Variants in WDR70 observed in about 807,000 individuals in gnomAD.
The protein encoded by WDR70 is WD repeat-containing protein 70.
In WDR70, 53 loss-of-function variants were observed where a neutral mutation model predicts 88.6. That is an observed-to-expected ratio of 0.60 (90% CI 0.48 to 0.75). The LOEUF (loss-of-function observed/expected upper bound fraction) is 0.75, where lower values mean the gene tolerates loss of function less well. WDR70 is among the 30% of genes least tolerant of loss of function. The probability of loss-of-function intolerance (pLI) is 0.00; values close to 1 mark genes in which losing one functional copy is unlikely to be tolerated. For synonymous variants in WDR70, 280 were observed against 270.0 expected (o/e 1.04, Z -0.36); for missense variants, 610 against 823.2 (o/e 0.74, Z 3.17).
chr5:37,534,862 A>C, intron 9 of WDR70, among the ~76,000 whole-genome samples: 1 of 151,834 alleles, frequency 6.6e-6, no homozygotes. Context: ...TATTCTTTAC[A>C]ACCTTTTAGA....
At chr5:37,483,366 C>A (rs1283364910) in intron 8 of WDR70, among the ~76,000 whole-genome samples, 2 of 152,026 alleles carry the variant, frequency 1.3e-5, no homozygotes, top group Non-Finnish European at 2.9e-5. Flanking sequence ...CGCCCTTAAT[C>A]CATTTAACCC....
chr5:37,440,959 T>C (rs1394095285), intron 6 of WDR70, among the ~76,000 whole-genome samples: 1 of 152,238 alleles, frequency 6.6e-6, no homozygotes, highest in East Asian at 1.9e-4. Context: ...AGTTTGTATT[T>C]TGTGCCATGT....
At chr5:37,636,136 A>G (rs1300849170) in intron 10 of WDR70, among the ~76,000 whole-genome samples, 2 of 152,198 alleles carry the variant, frequency 1.3e-5, no homozygotes, top group Non-Finnish European at 2.9e-5. Context: ...ATATTAGTCA[A>G]GTTGGGATAA....
intron 12 of WDR70, 64 bp downstream of exon 12, chr5:37,701,206 A>C: frequency 2.9e-6 from 3 of 1,050,466 alleles, no homozygotes; most frequent in Non-Finnish European, 4.3e-6. Context: ...CTTTTACTTT[A>C]ATGTTAATTT....
At chr5:37,461,017 G>A (rs1389031453) in intron 7 of WDR70, among the ~76,000 whole-genome samples, 1 of 148,242 alleles carries the variant, frequency 6.7e-6, no homozygotes, top group Non-Finnish European at 1.5e-5. Flanking sequence ...TCAACTTTGG[G>A]TGTTTGTTTT....
chr5:37,536,702 A>C (rs1286691808), intron 9 of WDR70, among the ~76,000 whole-genome samples: 1 of 152,010 alleles, frequency 6.6e-6, no homozygotes. Flanking sequence ...TATTGTGCAG[A>C]AGTTTATTAA....
intron 17 of WDR70, among the ~76,000 whole-genome samples, chr5:37,738,925 A>G (rs1490887932): frequency 5.9e-5 from 9 of 152,338 alleles, no homozygotes; most frequent in Admixed American, 1.3e-4. Context: ...GAGTTACCGA[A>G]GCTAAAGCAA....
At chr5:37,441,895 C>T (rs1372039359) in intron 6 of WDR70, among the ~76,000 whole-genome samples, 1 of 152,122 alleles carries the variant, frequency 6.6e-6, no homozygotes. Context: ...ATTCCTAATG[C>T]AGTTCTTTTC....
chr5:37,735,495 T>C (rs1231672299), intron 17 of WDR70, among the ~76,000 whole-genome samples: 2 of 152,144 alleles, frequency 1.3e-5, no homozygotes, highest in Non-Finnish European at 2.9e-5. Flanking sequence ...TGCAGAGGAC[T>C]GCACTCTCTT....
At chr5:37,534,464 A>G (rs550860731) in intron 9 of WDR70, among the ~76,000 whole-genome samples, 3 of 149,330 alleles carry the variant, frequency 2.0e-5, no homozygotes, top group South Asian at 2.1e-4. Context: ...TTGAAAATGC[A>G]TATCAGTTTT....
rs537151813 is a variant in WDR70, at chr5:37,379,616, T to G, written c.91+62T>G. 1.2e-5 allele frequency: 19 copies of G among 1,573,366 alleles called. No homozygotes were observed. The African/African-American group carries it at 2.0e-4, about 17-fold the overall frequency. On this transcript the variant is annotated intron_variant, in intron 2 of 17. Transcript: ENST00000265107. ...TGCAGAGGTTTGAAGATCCGCAGAG[T>G]GGGAGTGGAGATCGAGCTGTCAACT...
rs1747143431 is a variant in WDR70, at chr5:37,700,967, T to TG, written c.1193-91_1193-90insG. 4 of 748,018 alleles carry TG rather than the reference T, an allele frequency of 5.3e-6. No individual in the cohort carries two copies. In the African/African-American group the frequency reaches 7.0e-5, roughly 13 times the overall value. 46.3% of individuals were successfully genotyped at this position (748,018 alleles called of 1,614,324 possible). ...CCCTTCCCTTTCTTCTTTACAGTTA[T>TG]ACATTAAGTTTAGCAGACTCTAAAC... On this transcript the variant is annotated intron_variant, in intron 11 of 17. Transcript: ENST00000265107.
intron 10 of WDR70, among the ~76,000 whole-genome samples, chr5:37,623,124 G>C (rs911544222): frequency 1.3e-5 from 2 of 152,052 alleles, no homozygotes; most frequent in African/African-American, 4.8e-5. Context: ...TTTCTGCTTG[G>C]TAATACTGAA....
chr5:37,536,023 A>T (rs1157068196), intron 9 of WDR70, among the ~76,000 whole-genome samples: 1 of 152,186 alleles, frequency 6.6e-6, no homozygotes, highest in Non-Finnish European at 1.5e-5. Context: ...AACATGTTGC[A>T]GTATTCTCCC....
At chr5:37,527,793 A>C (rs1048069665) in intron 9 of WDR70, among the ~76,000 whole-genome samples, 4 of 152,214 alleles carry the variant, frequency 2.6e-5, no homozygotes, top group African/African-American at 9.6e-5. Context: ...CAAGAAAAAA[A>C]CAACCCCATC....
chr5:37,402,365 C>G (rs545432299), intron 5 of WDR70, among the ~76,000 whole-genome samples: 2 of 150,170 alleles, frequency 1.3e-5, no homozygotes, highest in Admixed American at 6.7e-5. Context: ...TTGATGGACA[C>G]GTAGGTTGAT....
At chr5:37,526,633 G>A (rs1301336246) in intron 9 of WDR70, among the ~76,000 whole-genome samples, 1 of 152,106 alleles carries the variant, frequency 6.6e-6, no homozygotes, top group African/African-American at 2.4e-5. Flanking sequence ...TTCTGGCCAG[G>A]GCAATGAGGC....
rs374652617 is a variant in WDR70 at position 37,714,614 on chromosome 5, C to G, written c.1417-6501C>G. 3.0e-4 allele frequency among the ~76,000 whole-genome samples: 45 copies of G among 152,276 alleles called. 2 individuals are homozygous for G. The South Asian group carries it at 9.1e-3, about 31-fold the overall frequency. Reference sequence around the variant, plus strand: ...TCTTGGTATCCCATTCTGTGCCCACCAGTGGGAAGCTCTGCTGCATCTAAG... The same window carrying G: ...TCTTGGTATCCCATTCTGTGCCCACGAGTGGGAAGCTCTGCTGCATCTAAG... On this transcript the variant is annotated intron_variant, in intron 13 of 17. Coordinates refer to ENST00000265107, the MANE Select transcript of WDR70 (RefSeq NM_018034.4).
At chr5:37,469,959 T>C (rs1375531588) in intron 7 of WDR70, among the ~76,000 whole-genome samples, 1 of 152,222 alleles carries the variant, frequency 6.6e-6, no homozygotes, top group Admixed American at 6.5e-5. Context: ...TAACGAACAT[T>C]CTTCTTCCTT....
Sources: gnomAD v4.1 joint callset for allele counts (sites outside exome capture counted in the v4.1 genomes callset) on GRCh38, gnomAD v4.1.1 for gene constraint, MANE v1.5 for transcripts, NCBI Gene and HGNC (gene_info 2026-07-23, HGNC 2026-07-21) for gene names.